The following TIAM2 variants were observed in gnomAD, a reference collection of about 807,000 sequenced individuals.
TIAM2 encodes the protein TIAM Rac1 associated GEF 2.
Under a neutral mutation model 152.9 loss-of-function variants are expected in TIAM2, and 80 were observed. The observed-to-expected ratio is 0.52, with a 90% CI of 0.44 to 0.63. The LOEUF (loss-of-function observed/expected upper bound fraction) is 0.63, where lower values mean the gene tolerates loss of function less well. Ranked by LOEUF, TIAM2 falls within the 30% of genes least tolerant of loss-of-function variation. TIAM2 has a pLI of 0.00. For missense variants in TIAM2, 1,965 were observed against 2,120.1 expected, an observed-to-expected ratio of 0.93 and a Z score of 1.44; for synonymous variants, 804 against 838.0, an observed-to-expected ratio of 0.96 and a Z score of 0.70.
At chr6:155,120,455 G>T (rs979533437) in intron 2 of TIAM2, among the ~76,000 whole-genome samples, 1 of 152,154 alleles carries the variant, frequency 6.6e-6, no homozygotes, top group African/African-American at 2.4e-5. Context: ...AAGTCTTCTT[G>T]TGATTAGAAA....
rs1355302739 is a variant in TIAM2 at position 155,186,619 on chromosome 6, A to G, written c.3064+3119A>G. 6.6e-6 allele frequency among the ~76,000 whole-genome samples: 1 copy of G among 152,060 alleles called. No individual in the cohort carries two copies. The highest frequency in any genetic ancestry group is 1.9e-4 in the East Asian group (1 of 5,180). ...GTTTGGGGGAGTTCCTGTCTGTGGC[A>G]TGTTCAGCCCAGCGTTTCACTTGGC... On this transcript the variant is annotated intron_variant, in intron 14 of 26. Coordinates refer to ENST00000682666, the MANE Select transcript of TIAM2 (RefSeq NM_012454.4). This position sits in a 1 kb window ranked among gnomAD's most constrained non-coding sequence, Gnocchi z 4.5.
chr6:155,056,750 T>C (rs1289749690), intron 1 of TIAM2, among the ~76,000 whole-genome samples: 4 of 152,114 alleles, frequency 2.6e-5, no homozygotes, highest in African/African-American at 9.7e-5. Context: ...TATATTATTA[T>C]AGTATATTCA....
intron 2 of TIAM2, among the ~76,000 whole-genome samples, chr6:155,101,624 A>T (rs1296353029): frequency 6.6e-6 from 1 of 152,208 alleles, no homozygotes; most frequent in East Asian, 1.9e-4. Context: ...TGAGAAGTAA[A>T]GAATATGGAA....
chr6:155,067,831 G>A (rs1045507718), intron 1 of TIAM2, among the ~76,000 whole-genome samples: 10 of 152,002 alleles, frequency 6.6e-5, no homozygotes, highest in East Asian at 1.9e-4. Flanking sequence ...TTGTAGTGAC[G>A]GGCTTTTCCC....
chr6:155,238,038 T>C (rs574988119), intron 15 of TIAM2, among the ~76,000 whole-genome samples: 3 of 152,264 alleles, frequency 2.0e-5, no homozygotes, highest in African/African-American at 7.2e-5. Context: ...CAAAGTTTTA[T>C]GCTCTGCCTC....
At position 155,256,831 on chromosome 6, in the gene TIAM2, G is replaced by C. The variant is rs144439047; in HGVS notation, c.4816G>C (p.Glu1606Gln). ...RISEDPDVHP[E>Q]AEQQPGPESG... is the part of the protein sequence containing the mutation. ...TTCCGAGGACCCAGACGTTCACCCC[G>C]AGGCTGAGCAGCAGCCTGGCCCGGA... The change falls in exon 27 of 27, where the codon GAG (glutamate) becomes CAG (glutamine). Residue 1606 changes from glutamate to glutamine, a missense_variant. Glu to Gln is a conservative substitution (Grantham distance 29). Coordinates refer to ENST00000682666, the MANE Select transcript of TIAM2 (RefSeq NM_012454.4). 3 of 1,614,068 alleles carry C rather than the reference G, an allele frequency of 1.9e-6. No individual in the cohort carries two copies. The African/African-American group carries it at 4.0e-5, about 22-fold the overall frequency.
chr6:155,114,014 T>A (rs1197047668), intron 2 of TIAM2, among the ~76,000 whole-genome samples: 6 of 58,850 alleles, frequency 1.0e-4, no homozygotes, highest in Admixed American at 3.6e-4. Context: ...ATACTTTACT[T>A]TATATATATA....
chr6:155,035,584 G>T (rs180835862), intron 1 of TIAM2, among the ~76,000 whole-genome samples: 124 of 152,270 alleles, frequency 8.1e-4, no homozygotes, highest in Non-Finnish European at 1.1e-3. Flanking sequence ...ATTCCTGTGT[G>T]TATGTGTACT....
At chr6:155,180,106 C>G (rs930793935) in intron 12 of TIAM2, among the ~76,000 whole-genome samples, 8 of 152,076 alleles carry the variant, frequency 5.3e-5, no homozygotes, top group Admixed American at 1.3e-4. Context: ...ATGGAGAAAC[C>G]CCCTCTCTAC....
At position 155,256,610 on chromosome 6, in the gene TIAM2, GC is replaced by G; in HGVS notation, c.4599del (p.Thr1534ArgfsTer35). The G allele has an allele frequency of 1.2e-6, 2 of 1,614,164 alleles. No homozygotes were observed. The highest frequency in any genetic ancestry group is 1.7e-6 in the Non-Finnish European group (2 of 1,180,012). The stretch of plus-strand genomic sequence containing the variant: ...AGCAGCGGCACCCAGAGCAGCGGCT[GC>G]CCCACGGCTGAGGGCAGGCAGGACT... Reference protein sequence around the residue: ...SLSSGTQSSGCPTAEGRQDSK... With the variant: ...SLSSGTQSSGXPTAEGRQDSK... On this transcript the variant is annotated frameshift_variant, in exon 27 of 27. Coordinates refer to ENST00000682666, the MANE Select transcript of TIAM2 (RefSeq NM_012454.4). LOFTEE classifies it low-confidence loss of function (END_TRUNC).
rs1253252583 is a variant in TIAM2 at position 155,014,866 on chromosome 6, T to A, written c.-209+19374T>A. Among the ~76,000 whole-genome samples, 6 of 152,174 alleles carry A rather than the reference T, an allele frequency of 3.9e-5. No homozygotes were observed. In the East Asian group the frequency reaches 1.2e-3, roughly 29 times the overall value. ...ATTCTTCTCCTATGAGAAAAGAATT[T>A]CCTTTAGGCTACAAGCAATGGGGCA... On this transcript the variant is annotated intron_variant, in intron 1 of 26. Coordinates refer to ENST00000682666, the MANE Select transcript of TIAM2 (RefSeq NM_012454.4).
At chr6:155,105,782 C>G (rs932275503) in intron 2 of TIAM2, among the ~76,000 whole-genome samples, 1 of 151,808 alleles carries the variant, frequency 6.6e-6, no homozygotes, top group Non-Finnish European at 1.5e-5. Flanking sequence ...AAGGTATTAC[C>G]TTAAAAATCT....
chr6:155,168,264 A>G (rs1177570448), intron 9 of TIAM2, among the ~76,000 whole-genome samples: 1 of 152,238 alleles, frequency 6.6e-6, no homozygotes, highest in Non-Finnish European at 1.5e-5. Flanking sequence ...GCACATTAAA[A>G]AAAGTAGGTA....
chr6:155,164,133 G>GTTTTTTTTTTTTGT (rs375238178), intron 7 of TIAM2, among the ~76,000 whole-genome samples: 1 of 118,006 alleles, frequency 8.5e-6, no homozygotes, highest in African/African-American at 2.9e-5. Context: ...TAATTTTTGT[G>GTTTTTTTTTTTTGT]TTTTTTTTTT....
intron 16 of TIAM2, among the ~76,000 whole-genome samples, chr6:155,242,462 G>A (rs1562368924): frequency 6.6e-6 from 1 of 152,226 alleles, no homozygotes; most frequent in Non-Finnish European, 1.5e-5. Flanking sequence ...GTCTGGCGTG[G>A]AATATGGTGA....
chr6:155,009,184 C>G (rs763679847), intron 1 of TIAM2, among the ~76,000 whole-genome samples: 22 of 149,932 alleles, frequency 1.5e-4, no homozygotes, highest in Non-Finnish European at 2.7e-4. Context: ...TCACTGCAGC[C>G]TCCACCTCCA....
chr6:155,111,345 T>C lies in TIAM2; in HGVS notation c.-117-16145T>C, dbSNP rs1342652683. On this transcript the variant is annotated intron_variant, in intron 2 of 26. Coordinates refer to ENST00000682666, the MANE Select transcript of TIAM2 (RefSeq NM_012454.4). Reference sequence around the variant, plus strand: ...CACACACACACACACACACTCTCCGTTGAAAATTGATAGGATGATCACAAA... The same window carrying C: ...CACACACACACACACACACTCTCCGCTGAAAATTGATAGGATGATCACAAA... 2.7e-5 allele frequency among the ~76,000 whole-genome samples: 4 copies of C among 147,374 alleles called. 1 individual carries two copies. The highest frequency in any genetic ancestry group is 2.0e-4 in the Admixed American group (3 of 14,698).
At position 155,130,299 on chromosome 6, in the gene TIAM2, C is replaced by G; in HGVS notation, c.1076C>G (p.Pro359Arg). 1.2e-6 allele frequency: 2 copies of G among 1,614,148 alleles called. No individual in the cohort carries two copies. Among genetic ancestry groups the G allele is most frequent in the African/African-American group, 1.3e-5 (1 of 75,042 alleles). ...DPIQYSSFTL[P>R]CRKPKAFVED... ...ATCCAGTACAGTTCCTTCACTCTCCCCTGTCGGAAGCCCAAAGCCTTTGTT... is the reference window on the plus strand; with the variant it reads ...ATCCAGTACAGTTCCTTCACTCTCCGCTGTCGGAAGCCCAAAGCCTTTGTT... The change falls in exon 4 of 27, where the codon CCC becomes CGC. Residue 359 changes from proline (P) to arginine (R), a missense_variant. By Grantham distance (103) the Pro-to-Arg change is moderately radical. Transcript: ENST00000682666.
chr6:155,086,615 G>A (rs578209011), intron 1 of TIAM2, among the ~76,000 whole-genome samples: 115 of 150,450 alleles, frequency 7.6e-4, no homozygotes, highest in African/African-American at 2.7e-3. Flanking sequence ...GCTGAGGCGG[G>A]AGAATTGCTT....
Sources: gnomAD v4.1 joint callset for allele counts (sites outside exome capture counted in the v4.1 genomes callset) on GRCh38, gnomAD v4.1.1 for gene constraint, Gnocchi (gnomAD v3.1) non-coding constraint, MANE v1.5 for transcripts, NCBI Gene and HGNC (gene_info 2026-07-23, HGNC 2026-07-21) for gene names.